DIP2B: variants seen among roughly 807,000 people sequenced by gnomAD.
DIP2B encodes DIP2 acetate--CoA ligase B (putative), also known as disco-interacting protein 2 homolog B.
DIP2B carries 76 observed loss-of-function variants against 198.0 expected under a neutral mutation model. The observed-to-expected ratio is 0.38, with a 90% CI of 0.32 to 0.46. DIP2B has a LOEUF of 0.46. Among genes scored for constraint, DIP2B ranks in the 20% least tolerant of loss-of-function variants. The probability of loss-of-function intolerance (pLI) is 0.99; values close to 1 mark genes in which losing one functional copy is unlikely to be tolerated. For synonymous variants in DIP2B, 701 were observed against 739.1 expected (o/e 0.95, Z 0.84); for missense variants, 1,559 against 1,978.4 (o/e 0.79, Z 4.02).
At chr12:50,567,569 G>T (rs914730721) in intron 1 of DIP2B, among the ~76,000 whole-genome samples, 1 of 151,804 alleles carries the variant, frequency 6.6e-6, no homozygotes, top group South Asian at 2.1e-4. Context: ...GCTCTGTCAC[G>T]CAAGCTGGAG....
At chr12:50,556,261 G>C (rs1003227831) in intron 1 of DIP2B, among the ~76,000 whole-genome samples, 7 of 151,766 alleles carry the variant, frequency 4.6e-5, no homozygotes, top group African/African-American at 1.7e-4. Context: ...CATTGGCCAG[G>C]ATGGTCTCGA....
chr12:50,543,438 C>A (rs533072693), intron 1 of DIP2B, among the ~76,000 whole-genome samples: 2 of 151,808 alleles, frequency 1.3e-5, no homozygotes, highest in African/African-American at 4.8e-5. Flanking sequence ...TACAGCCACC[C>A]GCCATCACGC....
chr12:50,697,008 C>T (rs1272635404), intron 16 of DIP2B, 53 bp from the exon 17 acceptor site: 1 of 1,336,264 alleles, frequency 7.5e-7, no homozygotes, highest in Non-Finnish European at 1.1e-6. Context: ...CATTTTCCTA[C>T]AGTAATGAAA....
intron 1 of DIP2B, among the ~76,000 whole-genome samples, chr12:50,601,869 C>T (rs1958939717): frequency 6.6e-6 from 1 of 152,224 alleles, no homozygotes; most frequent in Non-Finnish European, 1.5e-5. Flanking sequence ...AGTCTGTTTG[C>T]ATGGGAGTTT....
At chr12:50,582,367 C>T (rs1958733609) in intron 1 of DIP2B, among the ~76,000 whole-genome samples, 2 of 151,958 alleles carry the variant, frequency 1.3e-5, no homozygotes, top group South Asian at 4.2e-4. Context: ...CCAGACTGGT[C>T]TCGAACTCCT....
intron 1 of DIP2B, among the ~76,000 whole-genome samples, chr12:50,574,776 TAGG>T (rs1406508437): frequency 7.2e-5 from 11 of 152,358 alleles, no homozygotes; most frequent in Admixed American, 7.2e-4. Flanking sequence ...GGTGCCAGGG[TAGG>T]AGAAGTAGCC....
Position 50,724,885 on chromosome 12 carries a change from AG to A in DIP2B, c.3400+1del. The A allele has an allele frequency of 1.2e-6, 2 of 1,614,026 alleles. No individual in the cohort carries two copies. The highest frequency in any genetic ancestry group is 1.7e-6 in the Non-Finnish European group (2 of 1,179,900). The stretch of plus-strand genomic sequence containing the variant: ...AAACCTGGCCAACCATCATTGACAC[AG>A]GTGAAAGGGAGACTTCTTCTGAGGG... ...VKTWPTIIDT[D>X]DLPRKRLPQL... On this transcript the variant is annotated frameshift_variant and splice_region_variant, in exon 28 of 38. Coordinates refer to ENST00000301180, the MANE Select transcript of DIP2B (RefSeq NM_173602.3). LOFTEE classifies it high-confidence loss of function.
chr12:50,631,459 T>A (rs1938052365), intron 2 of DIP2B, among the ~76,000 whole-genome samples: 1 of 151,950 alleles, frequency 6.6e-6, no homozygotes, highest in Non-Finnish European at 1.5e-5. Context: ...TCTCTTGACC[T>A]CATGATCCAC....
At chr12:50,550,301 T>C (rs1182621432) in intron 1 of DIP2B, among the ~76,000 whole-genome samples, 2 of 152,198 alleles carry the variant, frequency 1.3e-5, no homozygotes, top group Non-Finnish European at 2.9e-5. Flanking sequence ...CTGCATTTTA[T>C]TGGCCAGTTT....
intron 4 of DIP2B, among the ~76,000 whole-genome samples, chr12:50,670,821 C>T (rs1241542004): frequency 6.6e-6 from 1 of 152,054 alleles, no homozygotes; most frequent in Admixed American, 6.5e-5. Flanking sequence ...AGCAACATAC[C>T]ACAAGAAGAG....
intron 1 of DIP2B, among the ~76,000 whole-genome samples, chr12:50,512,367 A>G (rs1958026304): frequency 6.6e-6 from 1 of 152,068 alleles, no homozygotes; most frequent in African/African-American, 2.4e-5. Context: ...TCGGCCTCCC[A>G]GAGTCCCGGG....
At chr12:50,661,058 A>G (rs1158281667) in intron 4 of DIP2B, among the ~76,000 whole-genome samples, 1 of 152,086 alleles carries the variant, frequency 6.6e-6, no homozygotes, top group African/African-American at 2.4e-5. Flanking sequence ...GTCTGTTCAG[A>G]ATCTCTCCCA....
At chr12:50,693,258 G>A (rs1231694531) in intron 14 of DIP2B, among the ~76,000 whole-genome samples, 1 of 152,220 alleles carries the variant, frequency 6.6e-6, no homozygotes, top group African/African-American at 2.4e-5. Flanking sequence ...CATCAGAGAG[G>A]AACAGGTAGC....
chr12:50,602,857 C>CAA (rs71086464), intron 1 of DIP2B, among the ~76,000 whole-genome samples: 76 of 91,434 alleles, frequency 8.3e-4, no homozygotes, highest in Non-Finnish European at 1.3e-3. Context: ...GACTCTGTCT[C>CAA]AAAAAAAAAA....
intron 10 of DIP2B, among the ~76,000 whole-genome samples, chr12:50,685,624 A>G (rs1450286852): frequency 6.6e-6 from 1 of 152,244 alleles, no homozygotes; most frequent in Non-Finnish European, 1.5e-5. Context: ...TCTGGTTAAT[A>G]AAATACTTGA....
intron 30 of DIP2B, among the ~76,000 whole-genome samples, chr12:50,730,818 C>T (rs1940029415): frequency 6.6e-6 from 1 of 152,218 alleles, no homozygotes; most frequent in African/African-American, 2.4e-5. Context: ...AATTCATACT[C>T]ATTCTTCAAG....
intron 3 of DIP2B, among the ~76,000 whole-genome samples, chr12:50,658,008 C>T (rs756172087): frequency 4.0e-5 from 6 of 150,308 alleles, no homozygotes; most frequent in African/African-American, 1.5e-4. Context: ...CCCAGCACTT[C>T]GGGAGACTGA....
At chr12:50,654,953 G>A (rs1938529606) in intron 3 of DIP2B, 1 of 442,326 alleles carries the variant, frequency 2.3e-6, no homozygotes, top group Non-Finnish European at 4.6e-6. Flanking sequence ...AAACTGTTTT[G>A]GGGGAGGAAT....
At chr12:50,721,431 C>G in intron 26 of DIP2B, 35 bp downstream of exon 26, 1 of 1,612,078 alleles carries the variant, frequency 6.2e-7, no homozygotes. Flanking sequence ...AGTTTAAGCT[C>G]CAATACTAGA....
Sources: allele counts gnomAD v4.1 joint callset (sites outside exome capture counted in the v4.1 genomes callset), GRCh38; gene constraint gnomAD v4.1.1; transcripts MANE v1.5; gene names NCBI Gene and HGNC (gene_info 2026-07-23, HGNC 2026-07-21).